DPY19L1: variants seen among roughly 807,000 people sequenced by gnomAD.
DPY19L1 encodes the protein protein C-mannosyl-transferase DPY19L1.
Under a neutral mutation model 96.9 loss-of-function variants are expected in DPY19L1, and 35 were observed. The observed-to-expected ratio is 0.36, with a 90% CI of 0.28 to 0.48. The LOEUF is 0.48. DPY19L1 is among the 20% of genes least tolerant of loss of function. The pLI is 0.99. For synonymous variants in DPY19L1, 205 were observed against 252.6 expected, an observed-to-expected ratio of 0.81 and a Z score of 1.79; for missense variants, 521 against 777.9, an observed-to-expected ratio of 0.67 and a Z score of 3.93.
chr7:34,951,337 ATTAT>A (rs565255122), intron 13 of DPY19L1, among the ~76,000 whole-genome samples: 300 of 152,222 alleles, frequency 2.0e-3, no homozygotes, highest in African/African-American at 6.9e-3. Context: ...GAGAATACAC[ATTAT>A]CCTTGAACAC....
chr7:34,986,659 C>A (rs2036124615), intron 7 of DPY19L1, among the ~76,000 whole-genome samples: 1 of 151,822 alleles, frequency 6.6e-6, no homozygotes, highest in East Asian at 1.9e-4. Context: ...TAATTAGGAA[C>A]ATGTATGTTT....
intron 1 of DPY19L1, among the ~76,000 whole-genome samples, chr7:35,034,770 G>T (rs112841676): frequency 6.6e-6 from 1 of 152,124 alleles, no homozygotes; most frequent in Non-Finnish European, 1.5e-5. Context: ...TTTCTGTCTA[G>T]CTTAATATTT....
chr7:34,958,046 A>C lies in DPY19L1; in HGVS notation c.1117T>G (p.Leu373Val). ...AATAACATTGAGTTCCCAAACATCA[A>C]AACAAAACAAAGTGCAAGAGAAATC... ...HMISLALCFV[L>V]MFGNSMLLTS... is the part of the protein sequence containing the mutation. Residue 373 changes from leucine to valine, a missense_variant, in exon 11 of 22, where the codon TTG becomes GTG. Leu to Val is a conservative substitution (Grantham distance 32). Transcript: ENST00000638088. 6.3e-7 allele frequency: 1 copy of C among 1,586,404 alleles called. No individual in the cohort carries two copies. Among genetic ancestry groups the C allele is most frequent in the Non-Finnish European group, 8.5e-7 (1 of 1,172,498 alleles).
At chr7:34,947,896 TA>T (rs1489465956) in intron 14 of DPY19L1, among the ~76,000 whole-genome samples, 195 bp from the exon 15 acceptor site, 1 of 152,094 alleles carries the variant, frequency 6.6e-6, no homozygotes, top group African/African-American at 2.4e-5. Context: ...GTTGAAACAC[TA>T]AAAATACAGT....
At chr7:35,032,579 T>A (rs1425791021) in intron 1 of DPY19L1, among the ~76,000 whole-genome samples, 1 of 152,114 alleles carries the variant, frequency 6.6e-6, no homozygotes, top group Non-Finnish European at 1.5e-5. Context: ...TGCTGATGAC[T>A]CCCTGTAGTA....
chr7:34,977,813 T>G (rs1051333654), intron 7 of DPY19L1, among the ~76,000 whole-genome samples: 9 of 152,232 alleles, frequency 5.9e-5, no homozygotes, highest in African/African-American at 2.2e-4. Flanking sequence ...ACATGTGAAC[T>G]GCTTCAAAAA....
At chr7:34,957,405 A>AAAC (rs1562805835) in intron 11 of DPY19L1, among the ~76,000 whole-genome samples, 113 of 151,730 alleles carry the variant, frequency 7.4e-4, no homozygotes, top group African/African-American at 2.6e-3. Context: ...AACAAACAAA[A>AAAC]AAACAAAGTC....
chr7:35,027,217 GA>G (rs961985539), intron 1 of DPY19L1, among the ~76,000 whole-genome samples: 5 of 145,010 alleles, frequency 3.4e-5, no homozygotes, highest in African/African-American at 1.0e-4. Context: ...AGAAAAAAAA[GA>G]AAAAAAAAAG....
chr7:35,003,798 T>G (rs1785487496), intron 6 of DPY19L1, among the ~76,000 whole-genome samples: 1 of 152,238 alleles, frequency 6.6e-6, no homozygotes, highest in Non-Finnish European at 1.5e-5. Context: ...AAGAAGCCCT[T>G]CACACACCAG....
chr7:34,983,169 T>C (rs1236709049), intron 7 of DPY19L1, among the ~76,000 whole-genome samples: 1 of 152,126 alleles, frequency 6.6e-6, no homozygotes, highest in African/African-American at 2.4e-5. Flanking sequence ...TGTTCCCTTT[T>C]TAGGGAAATT....
intron 6 of DPY19L1, among the ~76,000 whole-genome samples, chr7:35,007,121 G>A (rs2128677099): frequency 6.6e-6 from 1 of 152,122 alleles, no homozygotes; most frequent in African/African-American, 2.4e-5. Context: ...ACCTCTAAAT[G>A]TACTTCAGGT....
At chr7:34,960,782 T>G (rs972797339) in intron 10 of DPY19L1, among the ~76,000 whole-genome samples, 15 of 152,164 alleles carry the variant, frequency 9.9e-5, no homozygotes, top group Admixed American at 9.8e-4. Flanking sequence ...TCCGTCTATT[T>G]TTACTTGATT....
intron 1 of DPY19L1, among the ~76,000 whole-genome samples, chr7:35,035,943 C>A (rs1786386793): frequency 6.6e-6 from 1 of 151,532 alleles, no homozygotes; most frequent in Non-Finnish European, 1.5e-5. Context: ...GTGCTGGAAA[C>A]AGACAAACAA....
intron 1 of DPY19L1, among the ~76,000 whole-genome samples, chr7:35,027,192 A>T (rs769756279): frequency 2.6e-5 from 4 of 152,084 alleles, no homozygotes; most frequent in Non-Finnish European, 5.9e-5. Flanking sequence ...CAACAAGAGC[A>T]AAACTCCGTC....
intron 4 of DPY19L1, among the ~76,000 whole-genome samples, 163 bp from the exon 5 acceptor site, chr7:35,011,613 G>A (rs761560135): frequency 2.2e-4 from 34 of 152,136 alleles, no homozygotes; most frequent in Admixed American, 5.2e-4. Context: ...CTCCTAGGCA[G>A]ATTCTTCACT....
intron 6 of DPY19L1, among the ~76,000 whole-genome samples, chr7:35,003,165 A>T (rs1785469493): frequency 6.8e-6 from 1 of 146,980 alleles, no homozygotes; most frequent in Non-Finnish European, 1.5e-5. Context: ...AAGTTTCATA[A>T]AATGTTTACT....
rs553549836 is a variant in DPY19L1, at chr7:35,016,043, T to C, written c.411+1839A>G. ...CTTGTTTCCATTTAAAAAATTAATATAAATTCATGATTTCTTTTCTCTTTA... is the reference window on the plus strand; with the variant it reads ...CTTGTTTCCATTTAAAAAATTAATACAAATTCATGATTTCTTTTCTCTTTA... On this transcript the variant is annotated intron_variant, in intron 3 of 21. Coordinates refer to ENST00000638088, the MANE Select transcript of DPY19L1 (RefSeq NM_001366673.1). Among the ~76,000 whole-genome samples the C allele has an allele frequency of 2.0e-5, 3 of 151,374 alleles. No homozygotes were observed. The South Asian group carries it at 6.3e-4, about 32-fold the overall frequency.
chr7:35,008,594 GAGGCAGGAGGACTGCTTGA>G (rs1291095763), intron 6 of DPY19L1, among the ~76,000 whole-genome samples: 4 of 152,234 alleles, frequency 2.6e-5, no homozygotes, highest in Admixed American at 6.5e-5. Context: ...TTGGGAGGCT[GAGGCAGGAGGACTGCTTGA>G]AGCCAGTGGT....
intron 10 of DPY19L1, among the ~76,000 whole-genome samples, chr7:34,958,698 T>C (rs1471433449): frequency 2.0e-5 from 3 of 152,226 alleles, no homozygotes; most frequent in African/African-American, 7.2e-5. Flanking sequence ...ATTGTGGCAA[T>C]TCACTTTCCC....
Sources: gnomAD v4.1 joint callset for allele counts (sites outside exome capture counted in the v4.1 genomes callset) on GRCh38, gnomAD v4.1.1 for gene constraint, MANE v1.5 for transcripts, NCBI Gene and HGNC (gene_info 2026-07-23, HGNC 2026-07-21) for gene names.